ANTXR2: variants seen among roughly 807,000 people sequenced by gnomAD.
ANTXR2 encodes the protein anthrax toxin receptor 2.
A neutral mutation model predicts 73.7 loss-of-function variants in ANTXR2; 44 were observed. The observed-to-expected ratio is 0.60, with a 90% CI of 0.47 to 0.77. The LOEUF is 0.77. Among genes scored for constraint, ANTXR2 ranks in the 30% least tolerant of loss-of-function variants. The pLI, the probability that ANTXR2 is intolerant of heterozygous loss-of-function variation, is 0.00. For synonymous variants in ANTXR2, 217 were observed against 205.9 expected, an observed-to-expected ratio of 1.05 and a Z score of -0.46; for missense variants, 604 against 592.5, an observed-to-expected ratio of 1.02 and a Z score of -0.20.
chr4:80,069,167 G>A (rs1734662815), intron 3 of ANTXR2, among the ~76,000 whole-genome samples: 1 of 151,760 alleles, frequency 6.6e-6, no homozygotes, highest in Non-Finnish European at 1.5e-5. Flanking sequence ...TAACAGAGAG[G>A]CCGGGGAAGG....
chr4:79,985,002 G>T, intron 12 of ANTXR2, 139 bp from the exon 13 acceptor site: 1 of 690,292 alleles, frequency 1.4e-6, no homozygotes, highest in Non-Finnish European at 2.5e-6. Flanking sequence ...CAATATTTAT[G>T]CCCCTCTCTT....
chr4:79,909,267 C>A (rs1330945223), intron 16 of ANTXR2, among the ~76,000 whole-genome samples: 2 of 152,000 alleles, frequency 1.3e-5, no homozygotes, highest in Non-Finnish European at 1.5e-5. Flanking sequence ...TAATTATGAA[C>A]CTCTATTTTC....
At chr4:79,929,283 G>A (rs1404788938) in intron 16 of ANTXR2, among the ~76,000 whole-genome samples, 2 of 152,198 alleles carry the variant, frequency 1.3e-5, no homozygotes, top group Non-Finnish European at 2.9e-5. Flanking sequence ...GGGAGGACAA[G>A]GCGGGTGAAT....
At chr4:79,984,712 ACATAGGTAT>A in intron 13 of ANTXR2, 98 bp downstream of exon 13, 1 of 939,878 alleles carries the variant, frequency 1.1e-6, no homozygotes, top group Non-Finnish European at 1.7e-6. Flanking sequence ...AAAAGTCAGT[ACATAGGTAT>A]CATAGTTATC....
chr4:79,907,149 A>G lies in ANTXR2; in HGVS notation c.*280T>C, dbSNP rs1317713320. The G allele has an allele frequency of 2.1e-6, 1 of 477,954 alleles. No homozygotes were observed. The highest frequency in any genetic ancestry group is 4.0e-5 in the East Asian group (1 of 25,278). 29.6% of individuals were successfully genotyped at this position (477,954 alleles called of 1,614,324 possible). A position where few individuals can be genotyped will look rare whatever the true frequency, so the allele number is the denominator to read the frequency against. ...TACACATTCAAACAAACTTTCTTGT[A>G]CAAACCATAGTCTGCAGGTCAATGT... On this transcript the variant is annotated 3_prime_UTR_variant, in exon 17 of 17. Transcript: ENST00000403729.
intron 16 of ANTXR2, among the ~76,000 whole-genome samples, chr4:79,936,799 C>G (rs1408766313): frequency 6.6e-6 from 1 of 151,970 alleles, no homozygotes; most frequent in African/African-American, 2.4e-5. Context: ...TTATAATCAC[C>G]TTTTTTGTGC....
chr4:80,072,803 T>A lies in ANTXR2; in HGVS notation c.-243A>T. The stretch of plus-strand genomic sequence containing the variant: ...CGCCGGAACTCTTGACGAATCCCAG[T>A]GGAAGCGCGATCCAGTCCTCCCCCT... On this transcript the variant is annotated 5_prime_UTR_variant, in exon 1 of 17. Coordinates refer to ENST00000403729, the MANE Select transcript of ANTXR2 (RefSeq NM_058172.6). The A allele has an allele frequency of 9.6e-7, 1 of 1,046,628 alleles. No homozygotes were observed. Among genetic ancestry groups the A allele is most frequent in the Non-Finnish European group, 1.2e-6 (1 of 807,650 alleles). 64.8% of individuals were successfully genotyped at this position (1,046,628 alleles called of 1,614,324 possible). A position where few individuals can be genotyped will look rare whatever the true frequency, so the allele number is the denominator to read the frequency against.
intron 12 of ANTXR2, among the ~76,000 whole-genome samples, chr4:79,991,549 T>G (rs1300473863): frequency 6.6e-6 from 1 of 152,124 alleles, no homozygotes; most frequent in Non-Finnish European, 1.5e-5. Flanking sequence ...GTTTGAAGAT[T>G]TCTCAGAGAA....
At chr4:80,014,015 C>T (rs1731719106) in intron 11 of ANTXR2, among the ~76,000 whole-genome samples, 2 of 152,178 alleles carry the variant, frequency 1.3e-5, no homozygotes, top group Admixed American at 1.3e-4. Context: ...GACATTTTCT[C>T]AGCCCTGGCT....
chr4:79,913,350 A>T (rs1198328047), intron 16 of ANTXR2, among the ~76,000 whole-genome samples: 3 of 152,190 alleles, frequency 2.0e-5, no homozygotes, highest in African/African-American at 7.2e-5. Context: ...AAATTATAAA[A>T]GTTTCAATAA....
At chr4:79,956,291 C>T (rs1407731636) in intron 16 of ANTXR2, among the ~76,000 whole-genome samples, 3 of 152,096 alleles carry the variant, frequency 2.0e-5, no homozygotes, top group Admixed American at 2.0e-4. Flanking sequence ...GTTGATAACC[C>T]AGGCACCAGA....
intron 16 of ANTXR2, among the ~76,000 whole-genome samples, chr4:79,961,445 A>AT (rs1177318878): frequency 1.3e-5 from 2 of 151,662 alleles, no homozygotes; most frequent in South Asian, 2.1e-4. Context: ...AATTATTGTT[A>AT]TTTTTTTAAG....
At chr4:79,912,718 AC>A (rs1408492760) in intron 16 of ANTXR2, among the ~76,000 whole-genome samples, 1 of 152,142 alleles carries the variant, frequency 6.6e-6, no homozygotes, top group Non-Finnish European at 1.5e-5. Flanking sequence ...TCAAATATTT[AC>A]TATAGGATTT....
chr4:80,008,795 T>C (rs1373186609), intron 11 of ANTXR2, among the ~76,000 whole-genome samples, 179 bp from the exon 12 acceptor site: 1 of 152,192 alleles, frequency 6.6e-6, no homozygotes, highest in Non-Finnish European at 1.5e-5. Context: ...ATTTAATATA[T>C]ATTATGTTTT....
chr4:80,025,146 T>C (rs1732368126), intron 10 of ANTXR2, among the ~76,000 whole-genome samples: 1 of 152,198 alleles, frequency 6.6e-6, no homozygotes, highest in African/African-American at 2.4e-5. Context: ...TTAATAGTAA[T>C]AAAATTAAAT....
chr4:79,935,104 A>G (rs979103077), intron 16 of ANTXR2, among the ~76,000 whole-genome samples: 4 of 152,014 alleles, frequency 2.6e-5, no homozygotes, highest in South Asian at 2.1e-4. Context: ...AAAAAAAAAC[A>G]ACTGAATAAT....
At chr4:80,028,653 T>C (rs1473775330) in intron 10 of ANTXR2, among the ~76,000 whole-genome samples, 1 of 152,148 alleles carries the variant, frequency 6.6e-6, no homozygotes, top group Non-Finnish European at 1.5e-5. Flanking sequence ...CCTTCATTCA[T>C]TGTTGGGCCA....
intron 16 of ANTXR2, among the ~76,000 whole-genome samples, chr4:79,923,402 C>G (rs1462558005): frequency 6.6e-6 from 1 of 152,018 alleles, no homozygotes; most frequent in Non-Finnish European, 1.5e-5. Context: ...TTCAAGTAGG[C>G]CTAGATGTTC....
chr4:79,993,929 A>T (rs1411849541), intron 12 of ANTXR2, among the ~76,000 whole-genome samples: 2 of 151,216 alleles, frequency 1.3e-5, no homozygotes, highest in Non-Finnish European at 3.0e-5. Context: ...TATCTTGGTC[A>T]GTTTTTTTTT....
Sources: allele counts gnomAD v4.1 joint callset (sites outside exome capture counted in the v4.1 genomes callset), GRCh38; gene constraint gnomAD v4.1.1; transcripts MANE v1.5; gene names NCBI Gene and HGNC (gene_info 2026-07-23, HGNC 2026-07-21).